KCTD16: variants seen among roughly 807,000 people sequenced by gnomAD.
KCTD16 encodes the protein BTB/POZ domain-containing protein KCTD16.
Under a neutral mutation model 33.2 loss-of-function variants are expected in KCTD16, and 13 were observed. The ratio of observed to expected loss-of-function variants is 0.39; its 90% CI spans 0.25 to 0.62. The LOEUF (loss-of-function observed/expected upper bound fraction) is 0.62, where lower values mean the gene tolerates loss of function less well. Among genes scored for constraint, KCTD16 ranks in the 20% least tolerant of loss-of-function variants. The pLI is 0.50. For synonymous variants in KCTD16, 197 were observed against 195.3 expected (o/e 1.01, Z -0.07); for missense variants, 441 against 525.1 (o/e 0.84, Z 1.57).
At chr5:144,243,404 G>A (rs1754457362) in intron 3 of KCTD16, among the ~76,000 whole-genome samples, 1 of 152,086 alleles carries the variant, frequency 6.6e-6, no homozygotes, top group African/African-American at 2.4e-5. Flanking sequence ...TAAATTATTT[G>A]GAATTCTATT....
At chr5:144,391,821 T>C (rs1752455764) in intron 3 of KCTD16, among the ~76,000 whole-genome samples, 1 of 152,242 alleles carries the variant, frequency 6.6e-6, no homozygotes, top group African/African-American at 2.4e-5. Flanking sequence ...ATCAGCTGCT[T>C]TCTGCTACAC....
chr5:144,261,084 C>G (rs1412483844), intron 3 of KCTD16, among the ~76,000 whole-genome samples: 1 of 143,966 alleles, frequency 6.9e-6, no homozygotes, highest in African/African-American at 2.6e-5. Flanking sequence ...GGCTGTCATG[C>G]TTAAGATTTG....
rs766798809 is a variant in KCTD16 at position 144,207,476 on chromosome 5, G to A, written c.762G>A (p.Val254=). The A allele has an allele frequency of 6.2e-6, 10 of 1,614,082 alleles. No homozygotes were observed. In the East Asian group the frequency reaches 6.7e-5, roughly 11 times the overall value. ...GFHMVACNSS[V]TASFINQYTD... ...ACATGGTGGCCTGTAACTCATCGGT[G>A]ACAGCATCTTTCATCAACCAATATA... is the stretch of plus-strand genomic sequence containing the variant. Residue 254 remains valine, a synonymous_variant, in exon 3 of 4, where the codon GTG becomes GTA. Coordinates refer to ENST00000512467, the MANE Select transcript of KCTD16 (RefSeq NM_020768.4).
intron 3 of KCTD16, among the ~76,000 whole-genome samples, chr5:144,236,217 G>A (rs1754249481): frequency 6.6e-6 from 1 of 152,130 alleles, no homozygotes; most frequent in Non-Finnish European, 1.5e-5. Context: ...ATATCTGAGA[G>A]CAAAATTAAA....
Position 144,407,223 on chromosome 5 carries a change from A to T in KCTD16, c.833-66437A>T, listed in dbSNP as rs564776347. ...CCTGTTTTTTTTTTTTTTTTAAACTATGTCATCAACTAAATTTTAGGTTGA... is the reference window on the plus strand; with the variant it reads ...CCTGTTTTTTTTTTTTTTTTAAACTTTGTCATCAACTAAATTTTAGGTTGA... On this transcript the variant is annotated intron_variant, in intron 3 of 3. Coordinates refer to ENST00000512467, the MANE Select transcript of KCTD16 (RefSeq NM_020768.4). Among the ~76,000 whole-genome samples the T allele has an allele frequency of 5.5e-3, 782 of 140,962 alleles. 6 individuals are homozygous for T. The highest frequency in any genetic ancestry group is 0.02 in the African/African-American group (746 of 37,876). The allele number at this position is 140,962 out of a possible 152,430, so 92.5% of individuals were successfully genotyped here.
Position 144,481,708 on chromosome 5 carries a change from T to C in KCTD16, c.*7594T>C, listed in dbSNP as rs561744585. The C allele has an allele frequency of 2.0e-5, 3 of 152,048 alleles. No individual in the cohort carries two copies. Among genetic ancestry groups the C allele is most frequent in the African/African-American group, 7.2e-5 (3 of 41,522 alleles). 9.4% of individuals were successfully genotyped at this position (152,048 alleles called of 1,614,324 possible). A position where few individuals can be genotyped will look rare whatever the true frequency, so the allele number is the denominator to read the frequency against. On this transcript the variant is annotated 3_prime_UTR_variant, in exon 4 of 4. Transcript: ENST00000512467. ...ATCCAGCAAATATTTGTTGGGTACA[T>C]ACTATATATAGGTCACTGTCGTGAG...
In KCTD16 at chr5:144,310,767, G is replaced by A. The variant is rs530903552; in HGVS notation, c.832+103221G>A. Among the ~76,000 whole-genome samples, 8 of 152,092 alleles carry A rather than the reference G, an allele frequency of 5.3e-5. No homozygotes were observed. In the South Asian group the frequency reaches 1.0e-3, roughly 20 times the overall value. The stretch of plus-strand genomic sequence containing the variant: ...GCTTCTCACTTTATGTAGCTGTGAG[G>A]GGTTAATTCTTAATTGGCTGGTGAG... On this transcript the variant is annotated intron_variant, in intron 3 of 3. Coordinates refer to ENST00000512467, the MANE Select transcript of KCTD16 (RefSeq NM_020768.4).
chr5:144,179,674 T>C (rs1752577738), intron 2 of KCTD16, among the ~76,000 whole-genome samples: 1 of 152,250 alleles, frequency 6.6e-6, no homozygotes, highest in Non-Finnish European at 1.5e-5. Flanking sequence ...CACCATTGAA[T>C]CTTGTCTTTG....
chr5:144,191,567 G>A (rs1752843121), intron 2 of KCTD16, among the ~76,000 whole-genome samples: 1 of 152,124 alleles, frequency 6.6e-6, no homozygotes, highest in Admixed American at 6.5e-5. Context: ...GTCTAGTCAT[G>A]ATATTTCCTC....
chr5:144,408,957 T>G (rs2126952187), intron 3 of KCTD16, among the ~76,000 whole-genome samples: 1 of 152,334 alleles, frequency 6.6e-6, no homozygotes, highest in Admixed American at 6.5e-5. Flanking sequence ...TCATGCTCTC[T>G]ATTGTGTCAC....
chr5:144,241,627 G>A (rs1754406459), intron 3 of KCTD16, among the ~76,000 whole-genome samples: 1 of 152,070 alleles, frequency 6.6e-6, no homozygotes, highest in Non-Finnish European at 1.5e-5. Flanking sequence ...TGATTTTCTG[G>A]TTACCTGATC....
At chr5:144,216,877 C>T (rs1409338144) in intron 3 of KCTD16, among the ~76,000 whole-genome samples, 1 of 151,294 alleles carries the variant, frequency 6.6e-6, no homozygotes, top group East Asian at 1.9e-4. Context: ...GAGAGAGAGA[C>T]TCTCAGGCTG....
At chr5:144,201,165 G>T (rs552782186) in intron 2 of KCTD16, among the ~76,000 whole-genome samples, 136 of 152,304 alleles carry the variant, frequency 8.9e-4, no homozygotes, top group African/African-American at 3.1e-3. Flanking sequence ...CTACCTAGAA[G>T]TGTGCTGGAC....
intron 3 of KCTD16, among the ~76,000 whole-genome samples, chr5:144,249,299 T>A (rs1561542614): frequency 6.6e-6 from 1 of 152,196 alleles, no homozygotes; most frequent in Non-Finnish European, 1.5e-5. Context: ...ATTATTCAGA[T>A]TGCAGCTCAT....
intron 3 of KCTD16, among the ~76,000 whole-genome samples, chr5:144,309,304 G>A (rs1343866832): frequency 6.6e-6 from 1 of 151,704 alleles, no homozygotes; most frequent in Non-Finnish European, 1.5e-5. Flanking sequence ...CCAGGAGGAA[G>A]ATAACTACTC....
At chr5:144,432,157 T>C (rs1753477829) in intron 3 of KCTD16, among the ~76,000 whole-genome samples, 1 of 152,174 alleles carries the variant, frequency 6.6e-6, no homozygotes, top group African/African-American at 2.4e-5. Context: ...GGGGTTTGAC[T>C]TACTCTGATT....
intron 3 of KCTD16, among the ~76,000 whole-genome samples, chr5:144,226,731 C>G (rs1026910438): frequency 6.6e-6 from 1 of 152,076 alleles, no homozygotes; most frequent in African/African-American, 2.4e-5. Flanking sequence ...TGCCACCACA[C>G]CAAGCTAATT....
In KCTD16 at chr5:144,477,395, T is replaced by C. The variant is rs1754618069; in HGVS notation, c.*3281T>C. On this transcript the variant is annotated 3_prime_UTR_variant, in exon 4 of 4. Coordinates refer to ENST00000512467, the MANE Select transcript of KCTD16 (RefSeq NM_020768.4). ...CAATGCACAAATAATAAGCGTTCCC[T>C]TTGCTCTTTATTCCTTTATAGTTGT... The C allele has an allele frequency of 6.6e-6, 1 of 152,156 alleles. No homozygotes were observed. Among genetic ancestry groups the C allele is most frequent in the Non-Finnish European group, 1.5e-5 (1 of 67,998 alleles). 9.4% of individuals were successfully genotyped at this position (152,156 alleles called of 1,614,324 possible). A position where few individuals can be genotyped will look rare whatever the true frequency, so the allele number is the denominator to read the frequency against.
chr5:144,397,065 A>C (rs1197283887), intron 3 of KCTD16, among the ~76,000 whole-genome samples: 22 of 136,590 alleles, frequency 1.6e-4, no homozygotes, highest in South Asian at 5.0e-4. Context: ...TAATGCTATC[A>C]CTCCCCCCTC....
Sources: allele counts gnomAD v4.1 joint callset (sites outside exome capture counted in the v4.1 genomes callset), GRCh38; gene constraint gnomAD v4.1.1; transcripts MANE v1.5; gene names NCBI Gene and HGNC (gene_info 2026-07-23, HGNC 2026-07-21).